ZNF26: variants seen among roughly 807,000 people sequenced by gnomAD.
ZNF26 encodes the protein zinc finger protein 26.
In ZNF26, 32 loss-of-function variants were observed where a neutral mutation model predicts 54.9. The ratio of observed to expected loss-of-function variants is 0.58; its 90% confidence interval spans 0.44 to 0.78. The LOEUF is 0.78. Ranked by LOEUF, ZNF26 falls within the 30% of genes least tolerant of loss-of-function variation. The pLI is 0.00. For synonymous variants in ZNF26, 221 were observed against 209.2 expected, an observed-to-expected ratio of 1.06 and a Z score of -0.49; for missense variants, 524 against 634.0, an observed-to-expected ratio of 0.83 and a Z score of 1.86.
rs1342288047 is a variant in ZNF26, at chr12:133,020,699, A to G, written c.*9218A>G. The G allele has an allele frequency of 6.6e-6, 1 of 152,190 alleles. No homozygotes were observed. Among genetic ancestry groups the G allele is most frequent in the African/African-American group, 2.4e-5 (1 of 41,440 alleles). 9.4% of individuals were successfully genotyped at this position (152,190 alleles called of 1,614,324 possible). Reference sequence around the variant, plus strand: ...GAACCACAAACTGGATGGCTTAAACAACACAGATATATTGTCTTACTGTTC... The same window carrying G: ...GAACCACAAACTGGATGGCTTAAACGACACAGATATATTGTCTTACTGTTC... On this transcript the variant is annotated 3_prime_UTR_variant, in exon 4 of 4. Transcript: ENST00000328654.
At position 132,997,564 on chromosome 12, in the gene ZNF26, C is replaced by T. The variant is rs540578573; in HGVS notation, c.34-9478C>T. ...CCCAGTCCAGCTTTTCTATCTTATG[C>T]GCCCTCCCCTGAACGTTAGGTAGGG... is the stretch of plus-strand genomic sequence containing the variant. On this transcript the variant is annotated intron_variant, in intron 1 of 3. Transcript: ENST00000328654. 8.9e-4 allele frequency among the ~76,000 whole-genome samples: 136 copies of T among 152,302 alleles called. 3 individuals are homozygous for T. In the South Asian group the frequency reaches 0.022, roughly 25 times the overall value.
At chr12:132,992,702 G>A (rs1231427296) in intron 1 of ZNF26, among the ~76,000 whole-genome samples, 5 of 152,176 alleles carry the variant, frequency 3.3e-5, no homozygotes, top group African/African-American at 9.7e-5. Flanking sequence ...GTTGGGGAAC[G>A]TACTGAAGTG....
At chr12:132,999,070 A>T (rs1593648790) in intron 1 of ZNF26, among the ~76,000 whole-genome samples, 1 of 152,318 alleles carries the variant, frequency 6.6e-6, no homozygotes, top group East Asian at 1.9e-4. Context: ...GCCATCCACA[A>T]ATCAAGCAGC....
chr12:133,022,271 G>C lies in ZNF26; in HGVS notation c.*10790G>C, dbSNP rs1230108946. 6.6e-6 allele frequency: 1 copy of C among 152,042 alleles called. No individual in the cohort carries two copies. Among genetic ancestry groups the C allele is most frequent in the Non-Finnish European group, 1.5e-5 (1 of 68,008 alleles). 9.4% of individuals were successfully genotyped at this position (152,042 alleles called of 1,614,324 possible). ...AAAACTGAATTTTGCAAAATTATTG[G>C]ATGTCAGTATATTCAAATCAATTTT... On this transcript the variant is annotated 3_prime_UTR_variant, in exon 4 of 4. Transcript: ENST00000328654.
intron 1 of ZNF26, chr12:133,005,283 A>T (rs1953299842): frequency 6.6e-6 from 1 of 152,134 alleles, no homozygotes; most frequent in Admixed American, 6.6e-5. Flanking sequence ...GCTCACTGCA[A>T]CTTCTGCCTC....
At position 133,023,013 on chromosome 12, in the gene ZNF26, T is replaced by A. The variant is rs1287147175; in HGVS notation, c.*11532T>A. The A allele has an allele frequency of 6.6e-6, 1 of 152,160 alleles. No homozygotes were observed. The highest frequency in any genetic ancestry group is 1.5e-5 in the Non-Finnish European group (1 of 68,012). 9.4% of individuals were successfully genotyped at this position (152,160 alleles called of 1,614,324 possible). ...TGAGTTGGAAAAAGGGAACACTAAG[T>A]AGAGGCTTCAAGTTATTTTTAATTT... On this transcript the variant is annotated 3_prime_UTR_variant, in exon 4 of 4. Coordinates refer to ENST00000328654, the MANE Select transcript of ZNF26 (RefSeq NM_019591.4).
intron 1 of ZNF26, chr12:133,005,187 A>G (rs1953296769): frequency 6.6e-6 from 1 of 152,100 alleles, no homozygotes; most frequent in Non-Finnish European, 1.5e-5. Context: ...AACCAGGAAA[A>G]TCATTCCAGG....
rs1015893161 is a variant in ZNF26, at chr12:133,019,527, C to T, written c.*8046C>T. ...TTAACCACAATCAGATATCATCCCT[C>T]TTCAGTTAAAATGGCTTGTATCAGA... On this transcript the variant is annotated 3_prime_UTR_variant, in exon 4 of 4. Transcript: ENST00000328654. The T allele has an allele frequency of 1.3e-5, 2 of 152,122 alleles. No homozygotes were observed. Among genetic ancestry groups the T allele is most frequent in the Non-Finnish European group, 2.9e-5 (2 of 68,040 alleles). 9.4% of individuals were successfully genotyped at this position (152,122 alleles called of 1,614,324 possible). A position where few individuals can be genotyped will look rare whatever the true frequency, so the allele number is the denominator to read the frequency against.
intron 1 of ZNF26, among the ~76,000 whole-genome samples, chr12:132,991,770 C>T (rs1396081702): frequency 2.0e-5 from 3 of 152,082 alleles, no homozygotes; most frequent in South Asian, 2.1e-4. Flanking sequence ...GGCAACAGAG[C>T]GAGACCGTCT....
intron 1 of ZNF26, among the ~76,000 whole-genome samples, chr12:133,002,242 C>T (rs1480867048): frequency 1.3e-5 from 2 of 152,160 alleles, no homozygotes; most frequent in Admixed American, 6.5e-5. Context: ...CCCCTTCTGT[C>T]TCTCAGCGTG....
intron 1 of ZNF26, among the ~76,000 whole-genome samples, chr12:133,000,872 A>G (rs1413153556): frequency 6.6e-6 from 1 of 152,074 alleles, no homozygotes; most frequent in Non-Finnish European, 1.5e-5. Flanking sequence ...TTTCATTCGT[A>G]TCAAGCTTAA....
rs373320618 is a variant in ZNF26 at position 133,007,855 on chromosome 12, T to C, written c.256+323T>C. On this transcript the variant is annotated intron_variant, in intron 3 of 3. Transcript: ENST00000328654. ...GCATCGAGACCTTTAGAGGATTTCTTTTTCCCCTCACTTGATGTGGCTCAT... is the reference window on the plus strand; with the variant it reads ...GCATCGAGACCTTTAGAGGATTTCTCTTTCCCCTCACTTGATGTGGCTCAT... 6.7e-3 allele frequency among the ~76,000 whole-genome samples: 1,015 copies of C among 152,274 alleles called. 8 individuals are homozygous for C. Among genetic ancestry groups the C allele is most frequent in the South Asian group, 0.014 (67 of 4,826 alleles).
chr12:132,987,373 A>C (rs1249021135), intron 1 of ZNF26, among the ~76,000 whole-genome samples: 1 of 152,326 alleles, frequency 6.6e-6, no homozygotes, highest in African/African-American at 2.4e-5. Context: ...ACGCAATTAC[A>C]GGTGAATGAA....
chr12:132,990,509 T>C (rs1952925453), intron 1 of ZNF26, among the ~76,000 whole-genome samples: 1 of 152,200 alleles, frequency 6.6e-6, no homozygotes, highest in Non-Finnish European at 1.5e-5. Context: ...TCTGTAGTTT[T>C]CTAGGGTTTC....
chr12:133,026,690 A>C lies in ZNF26; in HGVS notation c.*15209A>C, dbSNP rs4061953. On this transcript the variant is annotated 3_prime_UTR_variant, in exon 4 of 4. Coordinates refer to ENST00000328654, the MANE Select transcript of ZNF26 (RefSeq NM_019591.4). ...TACGGGCACCTGCCACCACGCCTGG[A>C]TAATGTTTGTATTTTTAGTAGAGGT... 139,842 of 152,002 alleles carry C rather than the reference A, an allele frequency of 0.92. 64,663 individuals carry two copies. The highest frequency in any genetic ancestry group is 1 in the East Asian group (5,115 of 5,122). The allele number at this position is 152,002 out of a possible 1,614,324, so 9.4% of individuals were successfully genotyped here.
rs1160704214 is a variant in ZNF26, at chr12:133,017,061, C to CA, written c.*5582dup. The CA allele has an allele frequency of 1.2e-4, 18 of 151,760 alleles. No individual in the cohort carries two copies. The highest frequency in any genetic ancestry group is 3.9e-4 in the African/African-American group (16 of 41,286). The allele number at this position is 151,760 out of a possible 1,614,324, so 9.4% of individuals were successfully genotyped here. A position where few individuals can be genotyped will look rare whatever the true frequency, so the allele number is the denominator to read the frequency against. ...TCATTTTAAACAAAATATTTAATAC[C>CA]AAGAAAGTTGGAAACATAAAAAAAT... On this transcript the variant is annotated 3_prime_UTR_variant, in exon 4 of 4. Coordinates refer to ENST00000328654, the MANE Select transcript of ZNF26 (RefSeq NM_019591.4).
At chr12:133,008,738 T>C (rs1324351742) in intron 3 of ZNF26, among the ~76,000 whole-genome samples, 9 of 135,946 alleles carry the variant, frequency 6.6e-5, no homozygotes, top group African/African-American at 2.6e-4. Context: ...ATCGTGCCAC[T>C]GCACTCCAGC....
At chr12:133,003,669 C>A (rs1953267320) in intron 1 of ZNF26, among the ~76,000 whole-genome samples, 1 of 152,172 alleles carries the variant, frequency 6.6e-6, no homozygotes, top group Admixed American at 6.5e-5. Flanking sequence ...CTCTCTGTTC[C>A]TACTTTCAAA....
At chr12:132,990,182 G>A (rs1374908214) in intron 1 of ZNF26, among the ~76,000 whole-genome samples, 1 of 152,188 alleles carries the variant, frequency 6.6e-6, no homozygotes, top group Non-Finnish European at 1.5e-5. Flanking sequence ...CAGCTACTGA[G>A]GAGGCTGAAG....
Sources: gnomAD v4.1 joint callset for allele counts (sites outside exome capture counted in the v4.1 genomes callset) on GRCh38, gnomAD v4.1.1 for gene constraint, MANE v1.5 for transcripts, NCBI Gene and HGNC (gene_info 2026-07-23, HGNC 2026-07-21) for gene names.